Variants in DNAJB6 observed in about 807,000 individuals in gnomAD.
DNAJB6 encodes DnaJ heat shock protein family (Hsp40) member B6, also known as dnaJ homolog subfamily B member 6.
In DNAJB6, 16 loss-of-function variants were observed where a neutral mutation model predicts 42.7. The observed-to-expected ratio is 0.37, with a 90% CI of 0.25 to 0.57. The LOEUF (loss-of-function observed/expected upper bound fraction) is 0.57. Ranked by LOEUF, DNAJB6 falls within the 20% of genes least tolerant of loss-of-function variation. DNAJB6 has a pLI of 0.74. For missense variants in DNAJB6, 347 were observed against 416.8 expected, an observed-to-expected ratio of 0.83 and a Z score of 1.46; for synonymous variants, 170 against 163.5, an observed-to-expected ratio of 1.04 and a Z score of -0.30.
At chr7:157,412,969 G>A in intron 9 of DNAJB6, 1 of 152,444 alleles carries the variant, frequency 6.6e-6, no homozygotes, top group African/African-American at 2.4e-5. Context: ...TGGTGTGATT[G>A]ACAACGGGTG....
At chr7:157,371,125 C>T (rs1351509149) in intron 5 of DNAJB6, among the ~76,000 whole-genome samples, 2 of 152,192 alleles carry the variant, frequency 1.3e-5, no homozygotes, top group Admixed American at 6.5e-5. Context: ...GTTGCGCATT[C>T]CTCATCAGAA....
At chr7:157,402,497 C>CT (rs1458836718) in intron 8 of DNAJB6, among the ~76,000 whole-genome samples, 1 of 152,236 alleles carries the variant, frequency 6.6e-6, no homozygotes, top group Admixed American at 6.5e-5. Context: ...GCCATGTGTG[C>CT]TTTGAGTCTG....
At chr7:157,348,911 T>G (rs1476497930) in intron 1 of DNAJB6, among the ~76,000 whole-genome samples, 5 of 152,240 alleles carry the variant, frequency 3.3e-5, no homozygotes, top group African/African-American at 7.2e-5. Flanking sequence ...TGGAATACTT[T>G]TGCCTCTGTT....
At chr7:157,369,405 TC>T (rs769097672) in intron 5 of DNAJB6, 1 of 456,660 alleles carries the variant, frequency 2.2e-6, no homozygotes, top group Non-Finnish European at 4.4e-6. Flanking sequence ...GATCGGTGAT[TC>T]TCATGGTGAC....
intron 3 of DNAJB6, among the ~76,000 whole-genome samples, chr7:157,363,889 A>G (rs907607866): frequency 6.6e-6 from 1 of 152,094 alleles, no homozygotes; most frequent in African/African-American, 2.4e-5. Flanking sequence ...TGGGGGAAGT[A>G]AAGGCTGTGC....
At chr7:157,385,164 CT>C (rs1441737250) in intron 7 of DNAJB6, among the ~76,000 whole-genome samples, 156 bp downstream of exon 7, 1 of 152,180 alleles carries the variant, frequency 6.6e-6, no homozygotes, top group Non-Finnish European at 1.5e-5. Context: ...TAATTAAAGC[CT>C]TTTCTCTTAA....
chr7:157,379,714 A>T (rs915866316), intron 5 of DNAJB6: 1 of 151,344 alleles, frequency 6.6e-6, no homozygotes, highest in African/African-American at 2.4e-5. Context: ...TGAACCCCTG[A>T]CCTCCAGGGA....
chr7:157,340,334 G>A (rs906558085), intron 1 of DNAJB6, among the ~76,000 whole-genome samples: 2 of 152,200 alleles, frequency 1.3e-5, no homozygotes, highest in Non-Finnish European at 2.9e-5. Context: ...TCATTAGCGA[G>A]TAAGAGTAGG....
chr7:157,358,040 TC>T (rs969518839), intron 1 of DNAJB6, among the ~76,000 whole-genome samples: 14 of 152,322 alleles, frequency 9.2e-5, no homozygotes, highest in African/African-American at 3.1e-4. Flanking sequence ...CTTTTGCTGT[TC>T]CCTCGTGTGG....
At chr7:157,402,618 C>T (rs1795575776) in intron 8 of DNAJB6, among the ~76,000 whole-genome samples, 3 of 152,198 alleles carry the variant, frequency 2.0e-5, no homozygotes, top group Admixed American at 1.3e-4. Flanking sequence ...GAGCCGGGTC[C>T]CAGGGGAGGG....
intron 8 of DNAJB6, among the ~76,000 whole-genome samples, chr7:157,392,157 A>G (rs1483169354): frequency 1.3e-5 from 2 of 150,730 alleles, no homozygotes; most frequent in Admixed American, 6.6e-5. Flanking sequence ...GTCTTCTCCT[A>G]TCAACAACGG....
rs188879727 is a variant in DNAJB6 at position 157,340,374 on chromosome 7, G to A, written c.-27+3230G>A. 1.0e-3 allele frequency among the ~76,000 whole-genome samples: 152 copies of A among 152,234 alleles called. 1 individual carries two copies. Among genetic ancestry groups the A allele is most frequent in the Non-Finnish European group, 1.6e-3 (109 of 68,022 alleles). On this transcript the variant is annotated intron_variant, in intron 1 of 9. Transcript: ENST00000262177. Reference sequence around the variant, plus strand: ...GTGGCAGGATTTAGCAAATGGTGTAGTTCAAGGATGAATAGAATTTGAGAA... The same window carrying A: ...GTGGCAGGATTTAGCAAATGGTGTAATTCAAGGATGAATAGAATTTGAGAA...
At position 157,392,033 on chromosome 7, in the gene DNAJB6, A is replaced by G. The variant is rs1801367532; in HGVS notation, c.691+6422A>G. ...TGGAAGGATCACTTGAGTCAGGGAT[A>G]TGAGGCTGCAGTGAGCCGTGATCGA... On this transcript the variant is annotated intron_variant, in intron 8 of 9. Coordinates refer to ENST00000262177, the MANE Select transcript of DNAJB6 (RefSeq NM_058246.4). Among the ~76,000 whole-genome samples, 3 of 148,486 alleles carry G rather than the reference A, an allele frequency of 2.0e-5. No homozygotes were observed. In the Admixed American group the frequency reaches 2.0e-4, roughly 10 times the overall value.
rs1470076116 is a variant in DNAJB6, at chr7:157,371,854, T to C, written c.346+4371T>C. On this transcript the variant is annotated intron_variant, in intron 5 of 9. Transcript: ENST00000262177. The stretch of plus-strand genomic sequence containing the variant: ...CATTAGTCACAGCAGGCATTACATC[T>C]GGGAAAAGCCTGTGGGTTTAACTTC... 2.0e-5 allele frequency among the ~76,000 whole-genome samples: 3 copies of C among 152,348 alleles called. No homozygotes were observed. In the South Asian group the frequency reaches 6.2e-4, roughly 32 times the overall value.
At chr7:157,386,591 CACTT>C (rs1563140040) in intron 8 of DNAJB6, among the ~76,000 whole-genome samples, 3 of 147,078 alleles carry the variant, frequency 2.0e-5, no homozygotes, top group African/African-American at 7.5e-5. Flanking sequence ...GATGTAAGAT[CACTT>C]ACGGATCCGG....
At chr7:157,366,431 GA>G in intron 3 of DNAJB6, 70 bp from the exon 4 acceptor site, 1 of 1,366,476 alleles carries the variant, frequency 7.3e-7, no homozygotes, top group Non-Finnish European at 1.0e-6. Flanking sequence ...TACAACTGGG[GA>G]AATACCTTAT....
At chr7:157,353,586 GGTGTGTGTGTGTGT>G (rs370854040) in intron 1 of DNAJB6, among the ~76,000 whole-genome samples, 32 of 140,102 alleles carry the variant, frequency 2.3e-4, no homozygotes, top group Admixed American at 4.3e-4. Context: ...TCTTGACCGG[GGTGTGTGTGTGTGT>G]GTGTGTGTGT....
intron 3 of DNAJB6, among the ~76,000 whole-genome samples, chr7:157,363,795 AC>A (rs1349649964): frequency 6.6e-6 from 1 of 152,146 alleles, no homozygotes; most frequent in Non-Finnish European, 1.5e-5. Flanking sequence ...GTTCTATGTT[AC>A]TGGAAGTCAG....
chr7:157,409,491 G>C (rs1170620786), intron 8 of DNAJB6, among the ~76,000 whole-genome samples: 1 of 152,260 alleles, frequency 6.6e-6, no homozygotes. Context: ...CGTGATTTCA[G>C]TGGGGCACAC....
Sources: allele counts gnomAD v4.1 joint callset (sites outside exome capture counted in the v4.1 genomes callset), GRCh38; gene constraint gnomAD v4.1.1; transcripts MANE v1.5; gene names NCBI Gene and HGNC (gene_info 2026-07-23, HGNC 2026-07-21).